The following SCFD2 variants were observed in gnomAD, a reference collection of about 807,000 sequenced individuals.
The protein encoded by SCFD2 is sec1 family domain-containing protein 2.
Under a neutral mutation model 58.9 loss-of-function variants are expected in SCFD2, and 54 were observed. The ratio of observed to expected loss-of-function variants is 0.92; its 90% CI spans 0.74 to 1.15. SCFD2 has a LOEUF of 1.15. Ranked by LOEUF, SCFD2 falls within the 50% of genes most tolerant of loss-of-function variation. The pLI, the probability that SCFD2 is intolerant of heterozygous loss-of-function variation, is 0.00. For synonymous variants in SCFD2, 321 were observed against 335.9 expected (o/e 0.96, Z 0.49); for missense variants, 805 against 836.6 (o/e 0.96, Z 0.47).
At chr4:53,093,500 A>G (rs1306308173) in intron 5 of SCFD2, among the ~76,000 whole-genome samples, 1 of 152,294 alleles carries the variant, frequency 6.6e-6, no homozygotes, top group East Asian at 1.9e-4. Flanking sequence ...TATCCTACAG[A>G]TGTACTCACA....
chr4:53,313,801 T>C (rs375478577), intron 2 of SCFD2, 38 bp from the exon 3 acceptor site: 1 of 1,610,228 alleles, frequency 6.2e-7, no homozygotes, highest in Admixed American at 1.7e-5. Context: ...AGAATAAATT[T>C]CTACTGGATA....
At chr4:52,989,087 A>G (rs1721564123) in intron 5 of SCFD2, among the ~76,000 whole-genome samples, 1 of 152,340 alleles carries the variant, frequency 6.6e-6, no homozygotes, top group African/African-American at 2.4e-5. Flanking sequence ...TCCAGTTTAT[A>G]AAGTTATAAC....
At chr4:53,225,757 C>G (rs1729192639) in intron 4 of SCFD2, among the ~76,000 whole-genome samples, 1 of 152,188 alleles carries the variant, frequency 6.6e-6, no homozygotes, top group Non-Finnish European at 1.5e-5. Flanking sequence ...ACCAAGATCA[C>G]TCAGTAAGTA....
intron 4 of SCFD2, among the ~76,000 whole-genome samples, chr4:53,168,234 C>T (rs1270183044): frequency 6.6e-6 from 1 of 152,156 alleles, no homozygotes; most frequent in African/African-American, 2.4e-5. Flanking sequence ...ACTGAATCTG[C>T]AATTCATCTG....
intron 5 of SCFD2, chr4:52,957,240 A>T (rs927387139): frequency 2.0e-5 from 3 of 152,212 alleles, no homozygotes; most frequent in Non-Finnish European, 4.4e-5. Context: ...ACAGTCTACA[A>T]AGCATGCACC....
intron 4 of SCFD2, among the ~76,000 whole-genome samples, chr4:53,252,710 C>G (rs1560413017): frequency 3.3e-5 from 5 of 152,158 alleles, no homozygotes; most frequent in Admixed American, 6.6e-5. Flanking sequence ...GGATCCTTTC[C>G]TTACACCTTA....
chr4:52,898,460 G>T (rs927618609), intron 7 of SCFD2, among the ~76,000 whole-genome samples: 1 of 152,194 alleles, frequency 6.6e-6, no homozygotes, highest in African/African-American at 2.4e-5. Flanking sequence ...TAGCTGAGCG[G>T]TTTTGAGTGA....
chr4:53,342,940 C>G (rs983326812), intron 2 of SCFD2, among the ~76,000 whole-genome samples: 2 of 152,208 alleles, frequency 1.3e-5, no homozygotes, highest in African/African-American at 4.8e-5. Context: ...ACCAGAATCT[C>G]TGGGACACAT....
intron 5 of SCFD2, among the ~76,000 whole-genome samples, chr4:53,040,376 G>A (rs1560310207): frequency 6.6e-6 from 1 of 152,076 alleles, no homozygotes. Flanking sequence ...TCTGAAGAAG[G>A]ATCTTTATTT....
intron 5 of SCFD2, among the ~76,000 whole-genome samples, chr4:52,995,585 T>C (rs1380646808): frequency 1.3e-5 from 2 of 152,236 alleles, no homozygotes; most frequent in African/African-American, 4.8e-5. Flanking sequence ...GAAATAAAGA[T>C]TATGGATAAT....
intron 4 of SCFD2, among the ~76,000 whole-genome samples, chr4:53,250,253 A>G (rs189580972): frequency 2.0e-5 from 3 of 152,188 alleles, no homozygotes; most frequent in Non-Finnish European, 2.9e-5. Context: ...AGAACTAACT[A>G]TCCTAAATAT....
At chr4:53,191,469 C>T (rs369386051) in intron 4 of SCFD2, among the ~76,000 whole-genome samples, 2 of 151,884 alleles carry the variant, frequency 1.3e-5, no homozygotes, top group Admixed American at 6.6e-5. Context: ...TGCAGTGGCA[C>T]GATCTCCGCT....
chr4:53,289,309 T>G (rs1453847238), intron 3 of SCFD2, among the ~76,000 whole-genome samples: 1 of 152,150 alleles, frequency 6.6e-6, no homozygotes, highest in African/African-American at 2.4e-5. Context: ...GAGGCTGCAG[T>G]GAGCCAAGAT....
intron 5 of SCFD2, among the ~76,000 whole-genome samples, chr4:53,142,214 T>G (rs1487974744): frequency 6.6e-6 from 1 of 152,254 alleles, no homozygotes; most frequent in African/African-American, 2.4e-5. Context: ...TTCAGGATTT[T>G]AGATGTTAGG....
At chr4:53,301,644 A>G (rs1732301803) in intron 3 of SCFD2, among the ~76,000 whole-genome samples, 2 of 152,204 alleles carry the variant, frequency 1.3e-5, no homozygotes, top group Non-Finnish European at 1.5e-5. Context: ...CAGAGACACA[A>G]CAAAAAAAGG....
chr4:53,239,804 C>T (rs1160935022), intron 4 of SCFD2, among the ~76,000 whole-genome samples: 1 of 152,120 alleles, frequency 6.6e-6, no homozygotes, highest in East Asian at 1.9e-4. Context: ...TATTATGCTA[C>T]TTACATTTCA....
intron 2 of SCFD2, among the ~76,000 whole-genome samples, chr4:53,316,173 GTTCTACATAATTC>G (rs895008955): frequency 6.6e-6 from 1 of 152,104 alleles, no homozygotes; most frequent in African/African-American, 2.4e-5. Context: ...GGGCTTTACT[GTTCTACATAATTC>G]TAATTACCAG....
chr4:53,171,171 G>T (rs1727166562), intron 4 of SCFD2, among the ~76,000 whole-genome samples: 1 of 152,070 alleles, frequency 6.6e-6, no homozygotes, highest in South Asian at 2.1e-4. Flanking sequence ...TGCCTTTCTT[G>T]TGTTGAGGTA....
chr4:53,123,934 C>A (rs1560346133), intron 5 of SCFD2, among the ~76,000 whole-genome samples: 1 of 152,184 alleles, frequency 6.6e-6, no homozygotes, highest in Non-Finnish European at 1.5e-5. Flanking sequence ...GGAAACCACT[C>A]CATCTAGAGG....
Sources: allele counts gnomAD v4.1 joint callset (sites outside exome capture counted in the v4.1 genomes callset), GRCh38; gene constraint gnomAD v4.1.1; transcripts MANE v1.5; gene names NCBI Gene and HGNC (gene_info 2026-07-23, HGNC 2026-07-21).